DLG2: variants seen among roughly 807,000 people sequenced by gnomAD.
DLG2 encodes disks large homolog 2.
DLG2 carries 45 observed loss-of-function variants against 132.5 expected under a neutral mutation model. That is an observed-to-expected ratio of 0.34 (90% CI 0.27 to 0.44). The LOEUF is 0.44. Ranked by LOEUF, DLG2 falls within the 20% of genes least tolerant of loss-of-function variation. DLG2 has a pLI of 1.00. For missense variants in DLG2, 1,045 were observed against 1,196.9 expected (o/e 0.87, Z 1.87); for synonymous variants, 424 against 419.6 (o/e 1.01, Z -0.13).
chr11:84,502,986 G>C (rs2154508212), intron 7 of DLG2, among the ~76,000 whole-genome samples: 1 of 152,292 alleles, frequency 6.6e-6, no homozygotes, highest in Middle Eastern at 3.4e-3. Context: ...AAGAAAAATA[G>C]AGAACTAACA....
At chr11:84,323,296 A>G (rs1377803711) in intron 7 of DLG2, among the ~76,000 whole-genome samples, 2 of 152,112 alleles carry the variant, frequency 1.3e-5, no homozygotes, top group South Asian at 2.1e-4. Flanking sequence ...ATAATACCAT[A>G]TTTGTCCTTC....
intron 11 of DLG2, among the ~76,000 whole-genome samples, chr11:84,017,150 T>C (rs2095230757): frequency 6.6e-6 from 1 of 152,024 alleles, no homozygotes; most frequent in South Asian, 2.1e-4. Flanking sequence ...TATTTCAAAC[T>C]GGGAAGAGCA....
chr11:84,095,880 T>A (rs568682490), intron 10 of DLG2, among the ~76,000 whole-genome samples: 3 of 152,254 alleles, frequency 2.0e-5, no homozygotes, highest in Admixed American at 6.5e-5. Flanking sequence ...ACAACCTTAG[T>A]AGGCAATATT....
At chr11:83,607,871 A>G (rs2059573464) in intron 19 of DLG2, among the ~76,000 whole-genome samples, 1 of 152,276 alleles carries the variant, frequency 6.6e-6, no homozygotes, top group South Asian at 2.1e-4. Context: ...ACATGAAAGA[A>G]CAAAGACTGC....
intron 6 of DLG2, among the ~76,000 whole-genome samples, chr11:84,964,679 T>C (rs2053076132): frequency 1.3e-5 from 2 of 152,136 alleles, no homozygotes; most frequent in African/African-American, 4.8e-5. Context: ...GTAAAAATAT[T>C]CATGCACTAA....
At chr11:85,157,875 G>GC (rs1335174242) in intron 4 of DLG2, among the ~76,000 whole-genome samples, 5 of 152,086 alleles carry the variant, frequency 3.3e-5, no homozygotes, top group Non-Finnish European at 7.4e-5. Flanking sequence ...AGAAGAAACA[G>GC]CTCCCCCATT....
chr11:84,195,281 G>A (rs12801217), intron 8 of DLG2, among the ~76,000 whole-genome samples: 6,855 of 152,104 alleles, frequency 0.045, 197 homozygotes, highest in Non-Finnish European at 0.06. Context: ...CCCCTGCCTC[G>A]GCCTCCTGAG....
rs1555348732 is a variant in DLG2 at position 84,107,013 on chromosome 11, T to TGTGTGAGAGAGAGA, written c.625-7967_625-7966insTCTCTCTCTCACAC. On this transcript the variant is annotated intron_variant, in intron 9 of 27. Coordinates refer to ENST00000376104, the MANE Select transcript of DLG2 (RefSeq NM_001142699.3). ...GTGTGTGTGTGTGTGTGTGTGTGTG[T>TGTGTGAGAGAGAGA]GAGAGAGTTTTAGCCTTAGGGGAGA... 6.5e-3 allele frequency among the ~76,000 whole-genome samples: 822 copies of TGTGTGAGAGAGAGA among 126,136 alleles called. 11 individuals are homozygous for TGTGTGAGAGAGAGA. Among genetic ancestry groups the TGTGTGAGAGAGAGA allele is most frequent in the Non-Finnish European group, 6.7e-3 (408 of 60,490 alleles). The allele number at this position is 126,136 out of a possible 152,430, so 82.8% of individuals were successfully genotyped here.
Position 85,583,058 on chromosome 11 carries a change from ATATATAT to A in DLG2, c.40+15592_40+15598del, listed in dbSNP as rs1156755954. Among the ~76,000 whole-genome samples, 575 of 76,576 alleles carry A rather than the reference ATATATAT, an allele frequency of 7.5e-3. 7 individuals are homozygous for A. The highest frequency in any genetic ancestry group is 0.037 in the African/African-American group (567 of 15,498). 50.2% of individuals were successfully genotyped at this position (76,576 alleles called of 152,430 possible). A position where few individuals can be genotyped will look rare whatever the true frequency, so the allele number is the denominator to read the frequency against. On this transcript the variant is annotated intron_variant, in intron 3 of 27. Transcript: ENST00000376104. ...AACTAGAAACCAGGGGAAAAAAAAA[ATATATAT>A]ATATATATATATAATATATGTGATG...
intron 8 of DLG2, among the ~76,000 whole-genome samples, chr11:84,169,137 T>C (rs1253712882): frequency 6.6e-6 from 1 of 152,184 alleles, no homozygotes; most frequent in East Asian, 1.9e-4. Flanking sequence ...CTAAAAATAG[T>C]TCTTCCTCGT....
chr11:84,502,259 C>CTTTCTTTCTTTCT lies in DLG2; in HGVS notation c.519+32310_519+32311insAGAAAGAAAGAAA, dbSNP rs2099214681. ...CCTTCCTTCCTTCCTTCCTTCCTTC[C>CTTTCTTTCTTTCT]TTCCTTCCTTCCTTCCTTCCTTCTT... On this transcript the variant is annotated intron_variant, in intron 7 of 27. Transcript: ENST00000376104. Among the ~76,000 whole-genome samples the CTTTCTTTCTTTCT allele has an allele frequency of 1.8e-4, 6 of 33,592 alleles. 1 individual carries two copies. The highest frequency in any genetic ancestry group is 1.5e-3 in the Admixed American group (6 of 4,020). The allele number at this position is 33,592 out of a possible 152,430, so 22.0% of individuals were successfully genotyped here.
intron 11 of DLG2, among the ~76,000 whole-genome samples, chr11:84,028,115 C>A (rs1441657208): frequency 6.6e-6 from 1 of 151,096 alleles, no homozygotes; most frequent in African/African-American, 2.4e-5. Flanking sequence ...AAATAGAAGA[C>A]CTCATTGTAA....
intron 3 of DLG2, among the ~76,000 whole-genome samples, chr11:85,333,473 A>C (rs1285991723): frequency 6.6e-6 from 1 of 152,072 alleles, no homozygotes; most frequent in Admixed American, 6.6e-5. Flanking sequence ...TATTACATTA[A>C]ATAGGAGTGG....
intron 7 of DLG2, among the ~76,000 whole-genome samples, chr11:84,390,259 A>C (rs2098787789): frequency 6.6e-6 from 1 of 152,206 alleles, no homozygotes; most frequent in Non-Finnish European, 1.5e-5. Context: ...AACTTAGTGA[A>C]TTATGAGTTC....
At chr11:85,199,225 G>T (rs200610295) in intron 4 of DLG2, among the ~76,000 whole-genome samples, 1 of 152,242 alleles carries the variant, frequency 6.6e-6, no homozygotes, top group Admixed American at 6.5e-5. Context: ...AAAAAGGAAT[G>T]TAACCACTAA....
intron 4 of DLG2, among the ~76,000 whole-genome samples, chr11:85,216,194 C>T (rs896418776): frequency 2.6e-5 from 4 of 152,038 alleles, no homozygotes; most frequent in African/African-American, 9.7e-5. Context: ...TTTTAAAAGG[C>T]AGGCAATTAA....
At chr11:85,205,336 G>A (rs1230387565) in intron 4 of DLG2, among the ~76,000 whole-genome samples, 1 of 151,840 alleles carries the variant, frequency 6.6e-6, no homozygotes, top group African/African-American at 2.4e-5. Context: ...AAAAAAAAGT[G>A]GATCTCATGG....
intron 6 of DLG2, among the ~76,000 whole-genome samples, chr11:85,022,954 C>G (rs1403668933): frequency 6.6e-6 from 1 of 152,048 alleles, no homozygotes; most frequent in African/African-American, 2.4e-5. Flanking sequence ...CTTAGAAGAC[C>G]TGCAAGGATT....
intron 9 of DLG2, among the ~76,000 whole-genome samples, chr11:84,108,916 G>A (rs896990971): frequency 1.3e-5 from 2 of 152,028 alleles, no homozygotes; most frequent in Non-Finnish European, 2.9e-5. Flanking sequence ...TGGCTGGAAC[G>A]TGAAAGGTGG....
Sources: gnomAD v4.1 joint callset for allele counts (sites outside exome capture counted in the v4.1 genomes callset) on GRCh38, gnomAD v4.1.1 for gene constraint, MANE v1.5 for transcripts, NCBI Gene and HGNC (gene_info 2026-07-23, HGNC 2026-07-21) for gene names.